Variants in KCNN2 observed in about 807,000 individuals in gnomAD.
The protein encoded by KCNN2 is potassium calcium-activated channel subfamily N member 2, also known as small conductance calcium-activated potassium channel protein 2.
A neutral mutation model predicts 55.5 loss-of-function variants in KCNN2; 24 were observed. The ratio of observed to expected loss-of-function variants is 0.43; its 90% CI spans 0.31 to 0.61. The LOEUF is 0.61. Ranked by LOEUF, KCNN2 falls within the 20% of genes least tolerant of loss-of-function variation. The pLI is 0.08. For missense variants in KCNN2, 754 were observed against 853.6 expected (o/e 0.88, Z 1.45); for synonymous variants, 431 against 336.1 (o/e 1.28, Z -3.09).
intron 6 of KCNN2, among the ~76,000 whole-genome samples, chr5:114,488,765 A>G (rs1747703178): frequency 6.6e-6 from 1 of 152,198 alleles, no homozygotes; most frequent in Non-Finnish European, 1.5e-5. Context: ...CATACTACAC[A>G]GTAACCCCAA....
intron 1 of KCNN2, among the ~76,000 whole-genome samples, chr5:114,129,716 G>A (rs1440952523): frequency 6.6e-6 from 1 of 152,192 alleles, no homozygotes; most frequent in Non-Finnish European, 1.5e-5. Context: ...CCTCTATTGT[G>A]TGGCAGCAAC....
At chr5:114,295,327 C>T (rs1755986596) in intron 2 of KCNN2, among the ~76,000 whole-genome samples, 1 of 152,194 alleles carries the variant, frequency 6.6e-6, no homozygotes, top group African/African-American at 2.4e-5. Flanking sequence ...GCAGGAAGGC[C>T]TCCTTGAGCT....
In KCNN2 at chr5:114,482,219, T is replaced by A. The variant is rs574690861; in HGVS notation, c.1891-4831T>A. Among the ~76,000 whole-genome samples, 106 of 152,182 alleles carry A rather than the reference T, an allele frequency of 7.0e-4. 1 individual carries two copies. The highest frequency in any genetic ancestry group is 2.1e-3 in the African/African-American group (89 of 41,518). ...CCCATTAAAAAGTGGGCAAAGGACA[T>A]GAACAGACACGTCTTAAAAGAAAAC... On this transcript the variant is annotated intron_variant, in intron 5 of 7. Transcript: ENST00000673685.
At chr5:114,380,390 A>G (rs867881144) in intron 2 of KCNN2, among the ~76,000 whole-genome samples, 19 of 152,190 alleles carry the variant, frequency 1.2e-4, no homozygotes, top group African/African-American at 4.3e-4. Flanking sequence ...CTCTCATTTC[A>G]TGGTGACAGT....
At chr5:114,416,311 C>G (rs1362991985) in intron 3 of KCNN2, among the ~76,000 whole-genome samples, 1 of 152,166 alleles carries the variant, frequency 6.6e-6, no homozygotes, top group African/African-American at 2.4e-5. Flanking sequence ...CCACAGCTTT[C>G]TTCATGACCA....
In KCNN2 at chr5:114,459,170, G is replaced by T. The variant is rs1017822619; in HGVS notation, c.1638-3879G>T. 9.2e-5 allele frequency among the ~76,000 whole-genome samples: 14 copies of T among 152,220 alleles called. No individual in the cohort carries two copies. In the East Asian group the frequency reaches 2.7e-3, roughly 29 times the overall value. ...AGTTTGCTTCTTTTAAAACATTAAAGTTGATCTTACAGTCTTTGTCTCTGA... is the reference window on the plus strand; with the variant it reads ...AGTTTGCTTCTTTTAAAACATTAAATTTGATCTTACAGTCTTTGTCTCTGA... On this transcript the variant is annotated intron_variant, in intron 3 of 7. Transcript: ENST00000673685.
chr5:114,129,167 A>G (rs1751998641), intron 1 of KCNN2, among the ~76,000 whole-genome samples: 2 of 152,168 alleles, frequency 1.3e-5, no homozygotes, highest in African/African-American at 4.8e-5. Context: ...ACAGAAAGGA[A>G]TGAGGAAGAT....
At chr5:114,381,995 A>G (rs1247055252) in intron 2 of KCNN2, among the ~76,000 whole-genome samples, 2 of 152,124 alleles carry the variant, frequency 1.3e-5, no homozygotes, top group African/African-American at 4.8e-5. Context: ...GAATAATATG[A>G]TAGTATTCAT....
intron 2 of KCNN2, among the ~76,000 whole-genome samples, chr5:114,254,375 T>G (rs141761612): frequency 6.6e-6 from 1 of 152,222 alleles, no homozygotes; most frequent in Non-Finnish European, 1.5e-5. Context: ...ATGTTTATTT[T>G]ACTTATCTTG....
chr5:114,365,088 A>G (rs1757561624), intron 2 of KCNN2, among the ~76,000 whole-genome samples: 1 of 152,204 alleles, frequency 6.6e-6, no homozygotes, highest in South Asian at 2.1e-4. Context: ...ATTAGCAAAC[A>G]CAAAGTAAAT....
chr5:114,163,843 G>T (rs1427296114), intron 1 of KCNN2, among the ~76,000 whole-genome samples: 2 of 152,206 alleles, frequency 1.3e-5, no homozygotes, highest in Non-Finnish European at 2.9e-5. Flanking sequence ...GCCAGTAAAT[G>T]GTTGCTATGG....
intron 1 of KCNN2, among the ~76,000 whole-genome samples, chr5:114,148,402 G>A (rs4705487): frequency 0.82 from 124,967 of 152,062 alleles, 52,278 homozygotes; most frequent in East Asian, 0.94. Flanking sequence ...ATGTTTGCTT[G>A]TAGTAAATCA....
chr5:114,104,471 T>C (rs923302795), intron 1 of KCNN2, among the ~76,000 whole-genome samples: 3 of 152,108 alleles, frequency 2.0e-5, no homozygotes, highest in Non-Finnish European at 4.4e-5. Flanking sequence ...TTTGAATTTG[T>C]CTTTGCTTTG....
At chr5:114,296,076 C>T (rs1419903508) in intron 2 of KCNN2, among the ~76,000 whole-genome samples, 1 of 152,154 alleles carries the variant, frequency 6.6e-6, no homozygotes, top group Non-Finnish European at 1.5e-5. Flanking sequence ...CATAGATATA[C>T]TGTACTCTAT....
intron 1 of KCNN2, among the ~76,000 whole-genome samples, chr5:114,073,648 T>C (rs1750622770): frequency 6.6e-6 from 1 of 152,188 alleles, no homozygotes; most frequent in Admixed American, 6.5e-5. Context: ...CAGCTTAACA[T>C]CACATTTAAG....
chr5:114,280,700 C>A (rs1183268776), intron 2 of KCNN2, among the ~76,000 whole-genome samples: 1 of 152,160 alleles, frequency 6.6e-6, no homozygotes, highest in Non-Finnish European at 1.5e-5. Flanking sequence ...TGGTAATGGT[C>A]TATCTACATT....
chr5:114,349,710 A>T (rs913269760), intron 2 of KCNN2, among the ~76,000 whole-genome samples: 1 of 152,044 alleles, frequency 6.6e-6, no homozygotes, highest in East Asian at 1.9e-4. Context: ...TGCTGCAGGG[A>T]ACATTCATGT....
intron 1 of KCNN2, among the ~76,000 whole-genome samples, chr5:114,148,242 G>T (rs1220068228): frequency 1.3e-5 from 2 of 152,114 alleles, no homozygotes; most frequent in Non-Finnish European, 2.9e-5. Flanking sequence ...CTTAGGAATC[G>T]TGGAGGGGGA....
At chr5:114,211,419 A>G (rs769836770) in intron 1 of KCNN2, among the ~76,000 whole-genome samples, 7 of 152,276 alleles carry the variant, frequency 4.6e-5, no homozygotes, top group Middle Eastern at 3.4e-3. Flanking sequence ...AGAAACATGG[A>G]TGGAGCTGGA....
Sources: allele counts gnomAD v4.1 joint callset (sites outside exome capture counted in the v4.1 genomes callset), GRCh38; gene constraint gnomAD v4.1.1; transcripts MANE v1.5; gene names NCBI Gene and HGNC (gene_info 2026-07-23, HGNC 2026-07-21).